TRDMT1: variants seen among roughly 807,000 people sequenced by gnomAD.
TRDMT1 encodes the protein tRNA aspartic acid methyltransferase 1.
Under a neutral mutation model 51.2 loss-of-function variants are expected in TRDMT1, and 49 were observed. That is an observed-to-expected ratio of 0.96 (90% confidence interval 0.76 to 1.21). TRDMT1 has a LOEUF of 1.21. Among genes scored for constraint, TRDMT1 ranks in the 50% most tolerant of loss-of-function variants. The pLI, the probability that TRDMT1 is intolerant of heterozygous loss-of-function variation, is 0.00. For missense variants in TRDMT1, 534 were observed against 462.3 expected, an observed-to-expected ratio of 1.16 and a Z score of -1.42; for synonymous variants, 187 against 164.6, an observed-to-expected ratio of 1.14 and a Z score of -1.04.
chr10:17,195,107 C>T (rs1845229443), intron 1 of TRDMT1, among the ~76,000 whole-genome samples: 1 of 152,154 alleles, frequency 6.6e-6, no homozygotes, highest in South Asian at 2.1e-4. Context: ...CTCGCAAGCT[C>T]ATTACTGAGT....
chr10:17,150,637 G>A lies in TRDMT1; in HGVS notation c.1076-1497C>T, dbSNP rs185296336. 2.9e-3 allele frequency: 2,878 copies of A among 985,054 alleles called. 4 individuals are homozygous for A. The highest frequency in any genetic ancestry group is 3.3e-3 in the Non-Finnish European group (2,764 of 829,658). The allele number at this position is 985,054 out of a possible 1,614,324, so 61.0% of individuals were successfully genotyped here. A position where few individuals can be genotyped will look rare whatever the true frequency, so the allele number is the denominator to read the frequency against. On this transcript the variant is annotated intron_variant, in intron 10 of 10. Transcript: ENST00000377799. ...GGAAAAATAAGTTAGATAAGAAAAT[G>A]AAAAACAATTAGGAGCATTAAGAAT... is the stretch of plus-strand genomic sequence containing the variant.
rs1156687378 is a variant in TRDMT1, at chr10:17,149,006, T to C, written c.*34A>G. Reference sequence around the variant, plus strand: ...GAATTACTCTCTGAAAATGAAGGAATATCATATGACCATCTTTCAGAGTTA... The same window carrying C: ...GAATTACTCTCTGAAAATGAAGGAACATCATATGACCATCTTTCAGAGTTA... On this transcript the variant is annotated 3_prime_UTR_variant, in exon 11 of 11. Transcript: ENST00000377799. 1.9e-6 allele frequency: 3 copies of C among 1,544,538 alleles called. No homozygotes were observed. The highest frequency in any genetic ancestry group is 2.6e-6 in the Non-Finnish European group (3 of 1,144,384).
Position 17,146,176 on chromosome 10 carries a change from T to C in TRDMT1, c.*2864A>G. 5.1e-6 allele frequency: 5 copies of C among 985,462 alleles called. No individual in the cohort carries two copies. The highest frequency in any genetic ancestry group is 4.8e-6 in the Non-Finnish European group (4 of 829,938). The allele number at this position is 985,462 out of a possible 1,614,324, so 61.0% of individuals were successfully genotyped here. The stretch of plus-strand genomic sequence containing the variant: ...TTTCAAGCAACAGTTTACCCTCAAA[T>C]TTCTAAAAAAGTGCTGGGTGGACCC... On this transcript the variant is annotated 3_prime_UTR_variant, in exon 11 of 11. Transcript: ENST00000377799.
In TRDMT1 at chr10:17,190,260, G is replaced by A. The variant is rs146836801; in HGVS notation, c.64+11311C>T. On this transcript the variant is annotated intron_variant, in intron 1 of 10. Transcript: ENST00000377799. ...ATAATGTTCCATGGGAAAGCAAAAG[G>A]CAACAGAGATTCTAAAAAGGTTCCA... Among the ~76,000 whole-genome samples, 71 of 152,100 alleles carry A rather than the reference G, an allele frequency of 4.7e-4. 2 individuals are homozygous for A. The East Asian group carries it at 0.013, about 28-fold the overall frequency.
chr10:17,174,784 T>A, intron 1 of TRDMT1, 124 bp from the exon 2 acceptor site: 1 of 765,682 alleles, frequency 1.3e-6, no homozygotes, highest in Non-Finnish European at 2.1e-6. Flanking sequence ...CATCTCAGAC[T>A]GTCAGTGGAA....
rs147957028 is a variant in TRDMT1 at position 17,150,284 on chromosome 10, A to T, written c.1076-1144T>A. ...GGCCATTTATCTATTCCTTTTGGAGAAATGTTGACTCAAATCCTTGCCCAT... is the reference window on the plus strand; with the variant it reads ...GGCCATTTATCTATTCCTTTTGGAGTAATGTTGACTCAAATCCTTGCCCAT... On this transcript the variant is annotated intron_variant, in intron 10 of 10. Coordinates refer to ENST00000377799, the MANE Select transcript of TRDMT1 (RefSeq NM_004412.7). 9.8e-4 allele frequency: 583 copies of T among 592,604 alleles called. 1 individual carries two copies. Among genetic ancestry groups the T allele is most frequent in the African/African-American group, 7.3e-3 (364 of 49,604 alleles). 36.7% of individuals were successfully genotyped at this position (592,604 alleles called of 1,614,324 possible).
At chr10:17,189,621 AT>A (rs1438637098) in intron 1 of TRDMT1, among the ~76,000 whole-genome samples, 26 of 152,200 alleles carry the variant, frequency 1.7e-4, no homozygotes, top group Non-Finnish European at 3.4e-4. Context: ...AAAAACATCC[AT>A]TCTGAAGAAG....
At chr10:17,158,463 AT>A (rs538814009) in intron 7 of TRDMT1, among the ~76,000 whole-genome samples, 1 of 152,262 alleles carries the variant, frequency 6.6e-6, no homozygotes, top group South Asian at 2.1e-4. Flanking sequence ...AGGGAGCAAT[AT>A]TAGTATCATA....
At position 17,141,032 on chromosome 10, in the gene TRDMT1, C is replaced by T. The variant is rs1178931314; in HGVS notation, c.*8008G>A. Among the ~76,000 whole-genome samples the T allele has an allele frequency of 1.3e-5, 2 of 152,188 alleles. No individual in the cohort carries two copies. Among genetic ancestry groups the T allele is most frequent in the Non-Finnish European group, 2.9e-5 (2 of 68,040 alleles). ...AGAGATCTCTTGAAGGATAGTTTGG[C>T]TAGATATAGAATTCATAGTTGACAA... On this transcript the variant is annotated 3_prime_UTR_variant, in exon 11 of 11. Coordinates refer to ENST00000377799, the MANE Select transcript of TRDMT1 (RefSeq NM_004412.7).
chr10:17,181,708 C>CA (rs1204340876), intron 1 of TRDMT1, among the ~76,000 whole-genome samples: 1 of 151,696 alleles, frequency 6.6e-6, no homozygotes, highest in Admixed American at 6.6e-5. Context: ...ATGAAGTTCC[C>CA]AGGAAACCTA....
chr10:17,189,467 G>T (rs1564338621), intron 1 of TRDMT1, among the ~76,000 whole-genome samples: 1 of 152,094 alleles, frequency 6.6e-6, no homozygotes, highest in East Asian at 1.9e-4. Flanking sequence ...CAAAATTAAT[G>T]AAAAGAAATC....
chr10:17,170,917 G>C (rs963800825), intron 2 of TRDMT1, among the ~76,000 whole-genome samples: 2 of 151,672 alleles, frequency 1.3e-5, no homozygotes, highest in Non-Finnish European at 2.9e-5. Context: ...TGCTTAACTT[G>C]TTGGTATTTT....
At chr10:17,178,663 G>C (rs1182838440) in intron 1 of TRDMT1, among the ~76,000 whole-genome samples, 2 of 138,874 alleles carry the variant, frequency 1.4e-5, no homozygotes, top group Admixed American at 1.5e-4. Flanking sequence ...ATGACAGAAT[G>C]AGACTCTGTC....
chr10:17,198,911 G>A (rs762881356), intron 1 of TRDMT1, among the ~76,000 whole-genome samples: 17 of 152,104 alleles, frequency 1.1e-4, no homozygotes, highest in Non-Finnish European at 2.2e-4. Flanking sequence ...ATTATTTAAT[G>A]TATAGATCCA....
Position 17,142,017 on chromosome 10 carries a change from T to C in TRDMT1, c.*7023A>G, listed in dbSNP as rs983975055. Among the ~76,000 whole-genome samples, 1 of 151,278 alleles carries C rather than the reference T, an allele frequency of 6.6e-6. No individual in the cohort carries two copies. The highest frequency in any genetic ancestry group is 2.4e-5 in the African/African-American group (1 of 41,188). On this transcript the variant is annotated 3_prime_UTR_variant, in exon 11 of 11. Coordinates refer to ENST00000377799, the MANE Select transcript of TRDMT1 (RefSeq NM_004412.7). Reference sequence around the variant, plus strand: ...TATAGTGCACCTACCATAATGGTTCTTTTGTTAACTTCTATTTCTTTGCTG... The same window carrying C: ...TATAGTGCACCTACCATAATGGTTCCTTTGTTAACTTCTATTTCTTTGCTG...
Position 17,196,179 on chromosome 10 carries a change from C to T in TRDMT1, c.64+5392G>A, listed in dbSNP as rs148584659. On this transcript the variant is annotated intron_variant, in intron 1 of 10. Coordinates refer to ENST00000377799, the MANE Select transcript of TRDMT1 (RefSeq NM_004412.7). ...TAATTAATACGTGACAAATGAGATG[C>T]TTAGCATTTTAAAAGAAAATATTAA... Among the ~76,000 whole-genome samples the T allele has an allele frequency of 1.6e-3, 250 of 152,290 alleles. 1 individual carries two copies. The highest frequency in any genetic ancestry group is 5.7e-3 in the African/African-American group (235 of 41,566).
In TRDMT1 at chr10:17,148,336, A is replaced by G. The variant is rs976108064; in HGVS notation, c.*704T>C. 7 of 985,460 alleles carry G rather than the reference A, an allele frequency of 7.1e-6. No homozygotes were observed. In the African/African-American group the frequency reaches 1.2e-4, roughly 17 times the overall value. The allele number at this position is 985,460 out of a possible 1,614,324, so 61.0% of individuals were successfully genotyped here. ...CTCAGAAGCTGAGAAGACAAAAACAAGCTTTGATAATAGTCAACTAAAGGA... is the reference window on the plus strand; with the variant it reads ...CTCAGAAGCTGAGAAGACAAAAACAGGCTTTGATAATAGTCAACTAAAGGA... On this transcript the variant is annotated 3_prime_UTR_variant, in exon 11 of 11. Transcript: ENST00000377799.
Position 17,168,374 on chromosome 10 carries a change from G to T in TRDMT1, c.251+467C>A, listed in dbSNP as rs562949164. On this transcript the variant is annotated intron_variant, in intron 3 of 10. Coordinates refer to ENST00000377799, the MANE Select transcript of TRDMT1 (RefSeq NM_004412.7). ...TAGAAGGATTTATGAAAAAATTTCC[G>T]AACTATGAAATGCAGCTAATAAACT... Among the ~76,000 whole-genome samples the T allele has an allele frequency of 1.4e-4, 22 of 152,104 alleles. No individual in the cohort carries two copies. The East Asian group carries it at 3.3e-3, about 23-fold the overall frequency.
intron 3 of TRDMT1, among the ~76,000 whole-genome samples, chr10:17,167,327 A>G (rs1304029971): frequency 6.6e-6 from 1 of 152,200 alleles, no homozygotes; most frequent in Admixed American, 6.5e-5. Flanking sequence ...AAAATCATGG[A>G]ATATATAAAA....
Sources: allele counts gnomAD v4.1 joint callset (sites outside exome capture counted in the v4.1 genomes callset), GRCh38; gene constraint gnomAD v4.1.1; transcripts MANE v1.5; gene names NCBI Gene and HGNC (gene_info 2026-07-23, HGNC 2026-07-21).